Variants in ARHGAP9 observed in about 807,000 individuals in gnomAD.
ARHGAP9 encodes the protein rho GTPase-activating protein 9.
ARHGAP9 carries 76 observed loss-of-function variants against 87.3 expected under a neutral mutation model. The observed-to-expected ratio is 0.87, with a 90% CI of 0.72 to 1.05. The LOEUF is 1.05. ARHGAP9 is among the 50% of genes least tolerant of loss of function. ARHGAP9 has a pLI of 0.00. For synonymous variants in ARHGAP9, 382 were observed against 394.9 expected (o/e 0.97, Z 0.39); for missense variants, 941 against 960.5 (o/e 0.98, Z 0.27).
exon 1 of ARHGAP9, chr12:57,488,749 G>A (rs1875671486): frequency 3.2e-6 from 4 of 1,245,040 alleles, no homozygotes; most frequent in Non-Finnish European, 4.6e-6. Flanking sequence ...CAGTCGTTAA[G>A]TTCTTGGCTG....
rs758222561 is a variant in ARHGAP9 at position 57,477,807 on chromosome 12, C to T, written c.535-127G>A. On this transcript the variant is annotated intron_variant, in intron 3 of 17. Transcript: ENST00000393791. ...CACCGCCAGCTCTGGGCTGAGGTGA[C>T]CCAGGGTACTGGGGGAGAAACCTCA... The T allele has an allele frequency of 1.8e-5, 28 of 1,528,100 alleles. 1 individual carries two copies. In the Middle Eastern group the frequency reaches 2.1e-3, roughly 112 times the overall value. 94.7% of individuals were successfully genotyped at this position (1,528,100 alleles called of 1,614,324 possible).
chr12:57,479,852 C>T lies in ARHGAP9; in HGVS notation c.-141G>A. 1 of 1,484,298 alleles carries T rather than the reference C, an allele frequency of 6.7e-7. No individual in the cohort carries two copies. Among genetic ancestry groups the T allele is most frequent in the South Asian group, 1.3e-5 (1 of 74,392 alleles). The allele number at this position is 1,484,298 out of a possible 1,614,324, so 91.9% of individuals were successfully genotyped here. ...CAGGTTCAAGACAGAAACAGGGAGACACAAGGTTAATGACAAAGACAAAAA... is the reference window on the plus strand; with the variant it reads ...CAGGTTCAAGACAGAAACAGGGAGATACAAGGTTAATGACAAAGACAAAAA... On this transcript the variant is annotated 5_prime_UTR_variant, in exon 1 of 18. Coordinates refer to ENST00000393791, the MANE Select transcript of ARHGAP9 (RefSeq NM_032496.4).
intron 1 of ARHGAP9, chr12:57,488,064 T>G: frequency 1.9e-6 from 3 of 1,601,104 alleles, no homozygotes; most frequent in South Asian, 2.2e-5. Context: ...CCGGTTCCGG[T>G]TGCATCAGCG....
At chr12:57,479,602 A>G in intron 1 of ARHGAP9, 128 bp downstream of exon 1, 3 of 1,534,372 alleles carry the variant, frequency 2.0e-6, no homozygotes, top group Non-Finnish European at 2.6e-6. Flanking sequence ...GGGGCTGAGA[A>G]CTCCTGGTGG....
chr12:57,488,726 T>C (rs1875670155), exon 1 of ARHGAP9: 3 of 1,399,492 alleles, frequency 2.1e-6, no homozygotes, highest in Non-Finnish European at 3.0e-6. Context: ...TATGAAGATA[T>C]CCCAGTTACT....
At chr12:57,480,693 G>A, upstream of ARHGAP9, 1 of 1,329,024 alleles carries the variant, frequency 7.5e-7, no homozygotes. Context: ...GGGGACTGAT[G>A]CCAGCTTCTC....
At chr12:57,479,566 C>T in intron 1 of ARHGAP9, 142 bp from the exon 2 acceptor site, 1 of 1,512,290 alleles carries the variant, frequency 6.6e-7, no homozygotes, top group South Asian at 1.3e-5. Flanking sequence ...AGCAAACAGC[C>T]TGGTGAGGAT....
intron 3 of ARHGAP9, chr12:57,478,307 C>G (rs948643274): frequency 1.8e-6 from 1 of 541,912 alleles, no homozygotes; most frequent in African/African-American, 1.9e-5. Context: ...TCGGCTGCCT[C>G]TTTCTCCTCC....
At position 57,475,600 on chromosome 12, in the gene ARHGAP9, G is replaced by T. The variant is rs1349419744; in HGVS notation, c.1327C>A (p.Leu443Met). ...CCAGAGCCCGACAGACGCAGCTCCA[G>T]GGGGTTCTCCCGATCCTAGACCCGG... ...VIERLDRENP[L>M]ELRLSGSGPA... Residue 443 changes from leucine (L) to methionine (M), a missense_variant, in exon 11 of 18, where the codon CTG (leucine) becomes ATG (methionine). By Grantham distance (15) the Leu-to-Met change is conservative. Transcript: ENST00000393791. 1.9e-6 allele frequency: 3 copies of T among 1,612,216 alleles called. No individual in the cohort carries two copies. Among genetic ancestry groups the T allele is most frequent in the Non-Finnish European group, 1.7e-6 (2 of 1,179,426 alleles).
At chr12:57,486,423 C>G (rs1020175219) in intron 1 of ARHGAP9, among the ~76,000 whole-genome samples, 1 of 151,812 alleles carries the variant, frequency 6.6e-6, no homozygotes, top group Non-Finnish European at 1.5e-5. Flanking sequence ...GCGTGCACCA[C>G]CACACCCAGC....
chr12:57,488,462 T>C, intron 1 of ARHGAP9: 1 of 1,125,946 alleles, frequency 8.9e-7, no homozygotes, highest in Admixed American at 2.2e-5. Context: ...CCCAGTAAAC[T>C]GCTCTTCCCT....
At position 57,475,820 on chromosome 12, in the gene ARHGAP9, C is replaced by G. The variant is rs777833735; in HGVS notation, c.1311+13G>C. 5.6e-6 allele frequency: 9 copies of G among 1,613,260 alleles called. No individual in the cohort carries two copies. The highest frequency in any genetic ancestry group is 7.6e-6 in the Non-Finnish European group (9 of 1,179,580). ...CCGGTCGGAGCCTCCCTCCGGGCCT[C>G]CACCCATCTAACCAGCCGCTCGATG... On this transcript the variant is annotated intron_variant, in intron 10 of 17. Transcript: ENST00000393791.
At chr12:57,474,316 G>A in intron 15 of ARHGAP9, 107 bp downstream of exon 15, 1 of 1,573,622 alleles carries the variant, frequency 6.4e-7, no homozygotes, top group Non-Finnish European at 8.7e-7. Context: ...GGTAGCTAAG[G>A]TGGGGATGAG....
intron 1 of ARHGAP9, chr12:57,487,929 TG>T (rs1360783142): frequency 3.2e-6 from 2 of 621,882 alleles, no homozygotes; most frequent in Non-Finnish European, 5.9e-6. Flanking sequence ...TCTTTTCCTG[TG>T]TCTTAGCGTT....
chr12:57,473,463 C>T (rs577365045), intron 17 of ARHGAP9, 140 bp downstream of exon 17: 1 of 675,302 alleles, frequency 1.5e-6, no homozygotes, highest in South Asian at 1.7e-5. Flanking sequence ...TAATATGCTC[C>T]TGCACAGAGG....
chr12:57,473,934 C>T, intron 16 of ARHGAP9, 108 bp downstream of exon 16: 6 of 1,445,758 alleles, frequency 4.2e-6, no homozygotes, highest in East Asian at 5.0e-5. Flanking sequence ...CATTATTTTC[C>T]ATCTCTAAAG....
chr12:57,473,973 A>C, intron 16 of ARHGAP9, 69 bp downstream of exon 16: 4 of 1,516,780 alleles, frequency 2.6e-6, no homozygotes, highest in Non-Finnish European at 3.5e-6. Context: ...GTATAAGGGA[A>C]CCTCTATTCT....
Position 57,475,336 on chromosome 12 carries a change from T to C in ARHGAP9, c.1507A>G (p.Lys503Glu). Residue 503 changes from lysine to glutamate, a missense_variant, in exon 12 of 18, where the codon AAG becomes GAG. Coordinates refer to ENST00000393791, the MANE Select transcript of ARHGAP9 (RefSeq NM_032496.4). ...TGCAGGCTTTGTAAGGGCGGTCTCT[T>C]CGCGATGAGCCGCTTTAGTTTGTTG... ...VRNKLKRLIAKRPPLQSLQER... is the reference protein window; with the variant it reads ...VRNKLKRLIAERPPLQSLQER... 1 of 1,603,234 alleles carries C rather than the reference T, an allele frequency of 6.2e-7. No homozygotes were observed. Among genetic ancestry groups the C allele is most frequent in the Non-Finnish European group, 8.5e-7 (1 of 1,174,688 alleles).
At chr12:57,479,558 C>A in intron 1 of ARHGAP9, 134 bp from the exon 2 acceptor site, 1 of 1,504,596 alleles carries the variant, frequency 6.6e-7, no homozygotes, top group Non-Finnish European at 8.9e-7. Flanking sequence ...GAGGGTAGAG[C>A]AAACAGCCTG....
Sources: gnomAD v4.1 joint callset for allele counts (sites outside exome capture counted in the v4.1 genomes callset) on GRCh38, gnomAD v4.1.1 for gene constraint, MANE v1.5 for transcripts, NCBI Gene and HGNC (gene_info 2026-07-23, HGNC 2026-07-21) for gene names.